The following LARP1 variants were observed in gnomAD, a reference collection of about 807,000 sequenced individuals.
LARP1 encodes la-related protein 1.
In LARP1, 36 loss-of-function variants were observed where a neutral mutation model predicts 122.7. The observed-to-expected ratio is 0.29, with a 90% CI of 0.22 to 0.39. LARP1 has a LOEUF of 0.39. Ranked by LOEUF, LARP1 falls within the 10% of genes least tolerant of loss-of-function variation. The pLI is 1.00. For synonymous variants in LARP1, 539 were observed against 528.7 expected (o/e 1.02, Z -0.27); for missense variants, 1,040 against 1,403.6 (o/e 0.74, Z 4.14).
chr5:154,732,514 T>C (rs1343028653), intron 1 of LARP1, among the ~76,000 whole-genome samples: 2 of 152,036 alleles, frequency 1.3e-5, no homozygotes, highest in Non-Finnish European at 2.9e-5. Context: ...ATGGGAAAAA[T>C]TGCTGTGATT....
chr5:154,737,115 A>C (rs1756943623), intron 1 of LARP1, among the ~76,000 whole-genome samples: 1 of 152,084 alleles, frequency 6.6e-6, no homozygotes, highest in Admixed American at 6.6e-5. Flanking sequence ...ATCTCAGCTC[A>C]CTGCAACCTC....
At chr5:154,808,705 G>A in intron 16 of LARP1, 102 bp downstream of exon 16, 2 of 1,208,316 alleles carry the variant, frequency 1.7e-6, no homozygotes, top group South Asian at 3.1e-5. Context: ...CCTTGCATGT[G>A]TATGTTCATT....
chr5:154,735,981 A>C (rs1756872277), intron 1 of LARP1, among the ~76,000 whole-genome samples: 1 of 151,924 alleles, frequency 6.6e-6, no homozygotes, highest in East Asian at 1.9e-4. Context: ...GTGCAGTGGC[A>C]CCATCTTAGC....
At chr5:154,709,132 G>A (rs1755093868), upstream of LARP1, among the ~76,000 whole-genome samples, 1 of 152,182 alleles carries the variant, frequency 6.6e-6, no homozygotes, top group African/African-American at 2.4e-5. Context: ...CTTTTGAACT[G>A]CAGCCTCTCC....
intron 18 of LARP1, among the ~76,000 whole-genome samples, chr5:154,812,031 G>A (rs574750446): frequency 6.6e-6 from 1 of 152,296 alleles, no homozygotes; most frequent in African/African-American, 2.4e-5. Context: ...GGTCTCTTAT[G>A]TTCTTGGAGC....
chr5:154,757,884 C>T (rs1754122312), intron 1 of LARP1, among the ~76,000 whole-genome samples: 1 of 98,188 alleles, frequency 1.0e-5, no homozygotes, highest in Non-Finnish European at 2.0e-5. Flanking sequence ...TCCCCTTCCC[C>T]CTTCCTCCCC....
In LARP1 at chr5:154,814,166, G is replaced by C. The variant is rs1561641673; in HGVS notation, c.*70G>C. The C allele has an allele frequency of 1.3e-6, 2 of 1,488,734 alleles. No homozygotes were observed. Among genetic ancestry groups the C allele is most frequent in the Non-Finnish European group, 9.2e-7 (1 of 1,081,962 alleles). The allele number at this position is 1,488,734 out of a possible 1,614,324, so 92.2% of individuals were successfully genotyped here. ...GGGTAAGAGTCCATGGGGGTGCCCAGTCCCAGGAAAGGGGACAATGAAGGG... is the reference window on the plus strand; with the variant it reads ...GGGTAAGAGTCCATGGGGGTGCCCACTCCCAGGAAAGGGGACAATGAAGGG... On this transcript the variant is annotated 3_prime_UTR_variant, in exon 19 of 19. Transcript: ENST00000518297.
At chr5:154,764,705 G>A (rs1175683671) in intron 1 of LARP1, among the ~76,000 whole-genome samples, 1 of 150,872 alleles carries the variant, frequency 6.6e-6, no homozygotes, top group Non-Finnish European at 1.5e-5. Context: ...AGGAGTTTGA[G>A]ACCAGCCTAG....
Position 154,799,582 on chromosome 5 carries a change from C to A in LARP1, c.1378-9C>A. ...TTCTTAATCCCCTCTTCCTTCTCCT[C>A]CCCTTCAGGCCCTAAAGGACAGCAA... On this transcript the variant is annotated splice_polypyrimidine_tract_variant and intron_variant, in intron 8 of 18. Coordinates refer to ENST00000518297, the MANE Select transcript of LARP1 (RefSeq NM_033551.3). The A allele has an allele frequency of 6.2e-7, 1 of 1,613,230 alleles. No homozygotes were observed. Among genetic ancestry groups the A allele is most frequent in the Non-Finnish European group, 8.5e-7 (1 of 1,179,256 alleles).
At chr5:154,694,592 A>G (rs192734850) in intron 1 of LARP1, among the ~76,000 whole-genome samples, 59 of 152,278 alleles carry the variant, frequency 3.9e-4, no homozygotes, top group African/African-American at 1.3e-3. Flanking sequence ...AAATTTCACT[A>G]TGAACTTGGT....
At chr5:154,771,817 T>TTGTAGTTTTTCACGA (rs1487485832) in intron 1 of LARP1, among the ~76,000 whole-genome samples, 11 of 152,310 alleles carry the variant, frequency 7.2e-5, no homozygotes, top group Admixed American at 2.6e-4. Context: ...TGGAAAGACC[T>TTGTAGTTTTTCACGA]TGTAGTTTTT....
intron 2 of LARP1, 113 bp from the exon 3 acceptor site, chr5:154,790,532 G>T: frequency 2.3e-6 from 3 of 1,327,588 alleles, no homozygotes; most frequent in Non-Finnish European, 1.1e-6. Context: ...AGTGTGAATG[G>T]TCCTGGTGAA....
intron 15 of LARP1, among the ~76,000 whole-genome samples, 155 bp from the exon 16 acceptor site, chr5:154,808,304 A>G (rs556588266): frequency 1.7e-4 from 26 of 152,332 alleles, no homozygotes; most frequent in Middle Eastern, 3.4e-3. Context: ...TTAGTGCTCA[A>G]TAGATATCTG....
intron 1 of LARP1, among the ~76,000 whole-genome samples, chr5:154,691,862 T>TCACTGCAACCTCCCCC (rs1754234031): frequency 6.6e-6 from 1 of 151,852 alleles, no homozygotes; most frequent in Non-Finnish European, 1.5e-5. Context: ...CGATCTCGGC[T>TCACTGCAACCTCCCCC]CACTGCAACC....
At chr5:154,738,623 A>G (rs901277289) in intron 1 of LARP1, among the ~76,000 whole-genome samples, 1 of 152,124 alleles carries the variant, frequency 6.6e-6, no homozygotes, top group Non-Finnish European at 1.5e-5. Flanking sequence ...CAGCTGTTAC[A>G]GCAATGCCCA....
chr5:154,736,895 A>G (rs1561554262), intron 1 of LARP1, among the ~76,000 whole-genome samples: 1 of 151,534 alleles, frequency 6.6e-6, no homozygotes, highest in Non-Finnish European at 1.5e-5. Context: ...GAACTTCCAT[A>G]TGGTTTTCCA....
rs922696772 is a variant in LARP1 at position 154,803,006 on chromosome 5, G to A, written c.2110-284G>A. Among the ~76,000 whole-genome samples the A allele has an allele frequency of 9.2e-5, 14 of 152,272 alleles. No individual in the cohort carries two copies. Among genetic ancestry groups the A allele is most frequent in the Admixed American group, 2.6e-4 (4 of 15,298 alleles). On this transcript the variant is annotated intron_variant, in intron 11 of 18. Transcript: ENST00000518297. This position sits in a 1 kb window ranked among gnomAD's most constrained non-coding sequence, Gnocchi z 4.4. ...GATGGGGAAACACTGGAGCTTTCAG[G>A]GGGGAGTGTGTAGTGAGTTCCTGAG...
chr5:154,780,044 T>G (rs1756294070), intron 1 of LARP1, among the ~76,000 whole-genome samples: 1 of 151,834 alleles, frequency 6.6e-6, no homozygotes, highest in South Asian at 2.1e-4. Flanking sequence ...GAAGCAAGGC[T>G]GCCTGGCCAG....
chr5:154,757,354 T>C (rs1179105637), intron 1 of LARP1: 1 of 151,054 alleles, frequency 6.6e-6, no homozygotes, highest in Non-Finnish European at 1.5e-5. Flanking sequence ...GTGCAGAATA[T>C]GGAGTCTGCT....
Sources: gnomAD v4.1 joint callset for allele counts (sites outside exome capture counted in the v4.1 genomes callset) on GRCh38, gnomAD v4.1.1 for gene constraint, Gnocchi (gnomAD v3.1) non-coding constraint, MANE v1.5 for transcripts, NCBI Gene and HGNC (gene_info 2026-07-23, HGNC 2026-07-21) for gene names.